ACER2: variants seen among roughly 807,000 people sequenced by gnomAD.
ACER2 encodes the protein alkCDase 2.
ACER2 carries 26 observed loss-of-function variants against 34.7 expected under a neutral mutation model. The ratio of observed to expected loss-of-function variants is 0.75; its 90% CI spans 0.55 to 1.04. The LOEUF is 1.04. Among genes scored for constraint, ACER2 ranks in the 50% least tolerant of loss-of-function variants. The pLI, the probability that ACER2 is intolerant of heterozygous loss-of-function variation, is 0.00. For synonymous variants in ACER2, 138 were observed against 132.1 expected, an observed-to-expected ratio of 1.04 and a Z score of -0.31; for missense variants, 352 against 340.8, an observed-to-expected ratio of 1.03 and a Z score of -0.26.
rs150356121 is a variant in ACER2, at chr9:19,450,364, G to A, written c.642-86G>A. 2,008 of 1,442,088 alleles carry A rather than the reference G, an allele frequency of 1.4e-3. 4 individuals carry two copies. Among genetic ancestry groups the A allele is most frequent in the Admixed American group, 2.2e-3 (112 of 51,948 alleles). 89.3% of individuals were successfully genotyped at this position (1,442,088 alleles called of 1,614,324 possible). Reference sequence around the variant, plus strand: ...CAACTACAGTCAGCAAGGTGCGTGGGTTAGACCGGAAGAAGGAGCAGGCTA... The same window carrying A: ...CAACTACAGTCAGCAAGGTGCGTGGATTAGACCGGAAGAAGGAGCAGGCTA... On this transcript the variant is annotated intron_variant, in intron 5 of 5. Coordinates refer to ENST00000340967, the MANE Select transcript of ACER2 (RefSeq NM_001010887.3).
At chr9:19,414,903 A>G (rs1236034305) in intron 1 of ACER2, among the ~76,000 whole-genome samples, 1 of 150,814 alleles carries the variant, frequency 6.6e-6, no homozygotes, top group Non-Finnish European at 1.5e-5. Context: ...TTCAGCGACC[A>G]ATACAATTTT....
In ACER2 at chr9:19,451,534, C is replaced by G. The variant is rs556282131; in HGVS notation, c.*898C>G. The G allele has an allele frequency of 6.6e-6, 1 of 152,668 alleles. No individual in the cohort carries two copies. Among genetic ancestry groups the G allele is most frequent in the Non-Finnish European group, 1.5e-5 (1 of 68,040 alleles). The allele number at this position is 152,668 out of a possible 1,614,324, so 9.5% of individuals were successfully genotyped here. On this transcript the variant is annotated 3_prime_UTR_variant, in exon 6 of 6. Coordinates refer to ENST00000340967, the MANE Select transcript of ACER2 (RefSeq NM_001010887.3). ...CCTCTCTGCCAAAACCTACACTCCA[C>G]TTTAGGCCCTTCTTGAAGATGAGCA... is the stretch of plus-strand genomic sequence containing the variant.
intron 4 of ACER2, among the ~76,000 whole-genome samples, chr9:19,435,434 G>T (rs926005140): frequency 5.3e-5 from 8 of 152,194 alleles, no homozygotes; most frequent in Admixed American, 2.0e-4. Context: ...GAGGAAGGGG[G>T]CAGGGAAAGT....
At chr9:19,419,729 C>G (rs566056451) in intron 1 of ACER2, among the ~76,000 whole-genome samples, 4 of 152,318 alleles carry the variant, frequency 2.6e-5, no homozygotes, top group Non-Finnish European at 4.4e-5. Flanking sequence ...TGCCGTTGCA[C>G]TCCAGCCTGG....
At chr9:19,416,549 T>C (rs1830244956) in intron 1 of ACER2, among the ~76,000 whole-genome samples, 1 of 152,028 alleles carries the variant, frequency 6.6e-6, no homozygotes, top group Admixed American at 6.6e-5. Flanking sequence ...TATTTTATTT[T>C]TTTGAGACTC....
At chr9:19,415,794 C>T (rs1374803486) in intron 1 of ACER2, among the ~76,000 whole-genome samples, 3 of 151,978 alleles carry the variant, frequency 2.0e-5, no homozygotes, top group African/African-American at 7.2e-5. Flanking sequence ...TTATATTTCT[C>T]AACATTATAA....
rs559163067 is a variant in ACER2 at position 19,415,426 on chromosome 9, C to T, written c.108+6234C>T. ...AGGAGAATCGCTTGAACCTGGGAGG[C>T]GGAGGTTGCAGTTAGCCAAGATTTC... On this transcript the variant is annotated intron_variant, in intron 1 of 5. Transcript: ENST00000340967. 1.7e-4 allele frequency among the ~76,000 whole-genome samples: 26 copies of T among 151,870 alleles called. No homozygotes were observed. In the South Asian group the frequency reaches 4.6e-3, roughly 27 times the overall value.
At chr9:19,414,406 G>A (rs969935911) in intron 1 of ACER2, among the ~76,000 whole-genome samples, 1 of 152,212 alleles carries the variant, frequency 6.6e-6, no homozygotes, top group African/African-American at 2.4e-5. Context: ...GGATGAGACT[G>A]CAGTATGTTC....
At position 19,412,409 on chromosome 9, in the gene ACER2, T is replaced by C. The variant is rs1830111516; in HGVS notation, c.108+3217T>C. Reference sequence around the variant, plus strand: ...GGCTCATGCCTGTAATCTCAGCACTTTGGGAGGCTGAGGCAGGCAGATCAT... The same window carrying C: ...GGCTCATGCCTGTAATCTCAGCACTCTGGGAGGCTGAGGCAGGCAGATCAT... On this transcript the variant is annotated intron_variant, in intron 1 of 5. Coordinates refer to ENST00000340967, the MANE Select transcript of ACER2 (RefSeq NM_001010887.3). Among the ~76,000 whole-genome samples the C allele has an allele frequency of 2.0e-5, 3 of 152,148 alleles. No individual in the cohort carries two copies. In the South Asian group the frequency reaches 6.2e-4, roughly 31 times the overall value.
At chr9:19,427,611 T>C (rs2132485165) in intron 3 of ACER2, among the ~76,000 whole-genome samples, 1 of 150,350 alleles carries the variant, frequency 6.7e-6, no homozygotes, top group South Asian at 2.1e-4. Flanking sequence ...TTTCTTTCTT[T>C]CTCCCTTCCC....
intron 5 of ACER2, among the ~76,000 whole-genome samples, chr9:19,448,232 G>A (rs1007824159): frequency 1.3e-5 from 2 of 152,052 alleles, no homozygotes; most frequent in Non-Finnish European, 2.9e-5. Context: ...AGGCTAGTCA[G>A]AAACTCCTGG....
At chr9:19,449,204 G>A (rs534566567) in intron 5 of ACER2, among the ~76,000 whole-genome samples, 3 of 152,270 alleles carry the variant, frequency 2.0e-5, no homozygotes, top group South Asian at 2.1e-4. Context: ...TACTAGCTAC[G>A]TAACTATGTG....
rs564616784 is a variant in ACER2 at position 19,446,374 on chromosome 9, C to T, written c.597C>T (p.Cys199=). The T allele has an allele frequency of 3.1e-5, 50 of 1,614,148 alleles. No individual in the cohort carries two copies. The highest frequency in any genetic ancestry group is 9.3e-5 in the African/African-American group (7 of 75,036). Residue 199 remains cysteine (C), a synonymous_variant, in exon 5 of 6, where the codon TGC becomes TGT. Coordinates refer to ENST00000340967, the MANE Select transcript of ACER2 (RefSeq NM_001010887.3). ...GCTGGATCAGTGACCGAGCTTTCTG[C>T]GAGCTGCTGTCATCCTTCAACTTCC... is the stretch of plus-strand genomic sequence containing the variant. ...LFCWISDRAF[C]ELLSSFNFPY...
intron 3 of ACER2, among the ~76,000 whole-genome samples, chr9:19,434,397 G>C (rs1399651698): frequency 5.9e-5 from 9 of 152,198 alleles, no homozygotes; most frequent in African/African-American, 2.2e-4. Context: ...CTGCAATCTC[G>C]GCACTTTGGG....
At chr9:19,425,087 C>T (rs1461839342) in intron 3 of ACER2, among the ~76,000 whole-genome samples, 2 of 152,264 alleles carry the variant, frequency 1.3e-5, no homozygotes, top group East Asian at 1.9e-4. Context: ...CCTCTCTGTA[C>T]CCAGTGGTTT....
intron 1 of ACER2, chr9:19,409,910 G>A (rs1322525642): frequency 1.0e-6 from 1 of 985,300 alleles, no homozygotes; most frequent in African/African-American, 1.7e-5. Context: ...CTAGATAAGG[G>A]TGAGCAGAAA....
intron 2 of ACER2, 37 bp from the exon 3 acceptor site, chr9:19,424,663 G>A (rs1830506191): frequency 6.2e-7 from 1 of 1,611,318 alleles, no homozygotes; most frequent in African/African-American, 1.3e-5. Context: ...TGTCTCTTCT[G>A]TGGTGACCTT....
rs1297482610 is a variant in ACER2 at position 19,452,270 on chromosome 9, C to G, written c.*1634C>G. Among the ~76,000 whole-genome samples the G allele has an allele frequency of 6.6e-6, 1 of 152,110 alleles. No individual in the cohort carries two copies. The highest frequency in any genetic ancestry group is 2.4e-5 in the African/African-American group (1 of 41,388). ...ACATATGTAAGAGTTGGGAAGGTGACGATTTTTGACACATCCAGGAACTCT... is the reference window on the plus strand; with the variant it reads ...ACATATGTAAGAGTTGGGAAGGTGAGGATTTTTGACACATCCAGGAACTCT... On this transcript the variant is annotated 3_prime_UTR_variant, in exon 6 of 6. Coordinates refer to ENST00000340967, the MANE Select transcript of ACER2 (RefSeq NM_001010887.3).
At chr9:19,434,587 A>G (rs1189924418) in intron 3 of ACER2, among the ~76,000 whole-genome samples, 1 of 152,250 alleles carries the variant, frequency 6.6e-6, no homozygotes, top group South Asian at 2.1e-4. Context: ...CCTGGCCAAC[A>G]CAGCGAAACC....
Sources: allele counts gnomAD v4.1 joint callset (sites outside exome capture counted in the v4.1 genomes callset), GRCh38; gene constraint gnomAD v4.1.1; transcripts MANE v1.5; gene names NCBI Gene and HGNC (gene_info 2026-07-23, HGNC 2026-07-21).